Variants in FAM117A observed in about 807,000 individuals in gnomAD.
The protein encoded by FAM117A is family with sequence similarity 117 member A.
Under a neutral mutation model 44.1 loss-of-function variants are expected in FAM117A, and 21 were observed. The observed-to-expected ratio is 0.48, with a 90% CI of 0.34 to 0.69. The LOEUF is 0.69. Ranked by LOEUF, FAM117A falls within the 30% of genes least tolerant of loss-of-function variation. The pLI, the probability that FAM117A is intolerant of heterozygous loss-of-function variation, is 0.01. For synonymous variants in FAM117A, 220 were observed against 238.3 expected (o/e 0.92, Z 0.71); for missense variants, 498 against 589.9 (o/e 0.84, Z 1.61).
At chr17:49,754,036 C>A (rs2073687771) in intron 1 of FAM117A, among the ~76,000 whole-genome samples, 1 of 152,194 alleles carries the variant, frequency 6.6e-6, no homozygotes, top group South Asian at 2.1e-4. Flanking sequence ...GCCCTTCTCT[C>A]CCCAGTTGCT....
At chr17:49,729,031 C>T (rs924765469) in intron 2 of FAM117A, among the ~76,000 whole-genome samples, 5 of 152,198 alleles carry the variant, frequency 3.3e-5, no homozygotes, top group East Asian at 1.9e-4. Flanking sequence ...TAAAACACAA[C>T]GAGGAAGGAG....
At chr17:49,759,722 A>C (rs2073715529) in intron 1 of FAM117A, among the ~76,000 whole-genome samples, 1 of 152,196 alleles carries the variant, frequency 6.6e-6, no homozygotes, top group Non-Finnish European at 1.5e-5. Context: ...CCAAGAAATA[A>C]GTTTTCAAAG....
intron 1 of FAM117A, among the ~76,000 whole-genome samples, chr17:49,753,434 A>T (rs1005578131): frequency 2.0e-5 from 3 of 152,174 alleles, no homozygotes; most frequent in Non-Finnish European, 4.4e-5. Context: ...TGCCACCTGC[A>T]CCTGCAGGAC....
At chr17:49,780,393 AG>A (rs1336673265) in intron 1 of FAM117A, among the ~76,000 whole-genome samples, 1 of 152,154 alleles carries the variant, frequency 6.6e-6, no homozygotes. Flanking sequence ...AAGACTGACT[AG>A]GGCTTTTATA....
At chr17:49,764,986 A>C (rs1003332021), upstream of FAM117A, among the ~76,000 whole-genome samples, 7 of 152,210 alleles carry the variant, frequency 4.6e-5, no homozygotes, top group Non-Finnish European at 8.8e-5. Context: ...CCAAGTTTGC[A>C]CCGCGACTCC....
chr17:49,788,759 G>C, upstream of FAM117A: 3 of 1,512,268 alleles, frequency 2.0e-6, no homozygotes, highest in Non-Finnish European at 2.7e-6. Context: ...AGGCCGCCAC[G>C]GAGCCCGCCG....
chr17:49,748,453 C>A lies in FAM117A; in HGVS notation c.196+15439G>T, dbSNP rs1410796737. Reference sequence around the variant, plus strand: ...TGCCCTGATTCTGGTTGGCCACTACCGGAAACTTACGTTAGAGGAGGAAAG... The same window carrying A: ...TGCCCTGATTCTGGTTGGCCACTACAGGAAACTTACGTTAGAGGAGGAAAG... On this transcript the variant is annotated intron_variant, in intron 1 of 7. Transcript: ENST00000240364. Among the ~76,000 whole-genome samples the A allele has an allele frequency of 2.0e-5, 3 of 152,084 alleles. No homozygotes were observed. In the South Asian group the frequency reaches 6.2e-4, roughly 32 times the overall value.
intron 1 of FAM117A, among the ~76,000 whole-genome samples, chr17:49,782,970 G>A (rs1300539710): frequency 1.3e-5 from 2 of 152,188 alleles, no homozygotes; most frequent in East Asian, 3.9e-4. Context: ...AAATGAAAAT[G>A]CCTGCAGTCT....
At chr17:49,741,416 G>C (rs1307543947) in intron 1 of FAM117A, among the ~76,000 whole-genome samples, 1 of 152,212 alleles carries the variant, frequency 6.6e-6, no homozygotes, top group African/African-American at 2.4e-5. Flanking sequence ...CCCGCACTCA[G>C]AGATCACCAC....
chr17:49,776,932 C>G (rs1211220552), intron 1 of FAM117A, among the ~76,000 whole-genome samples: 2 of 152,182 alleles, frequency 1.3e-5, no homozygotes, highest in Non-Finnish European at 2.9e-5. Flanking sequence ...TCTGAAACCA[C>G]CAAAAATTCA....
At chr17:49,719,534 C>T in intron 5 of FAM117A, 1 of 438,368 alleles carries the variant, frequency 2.3e-6, no homozygotes. Flanking sequence ...AATCCTTGCC[C>T]CCTGTCTTTG....
chr17:49,778,330 T>TA (rs2073780545), intron 1 of FAM117A, among the ~76,000 whole-genome samples: 1 of 152,258 alleles, frequency 6.6e-6, no homozygotes, highest in Non-Finnish European at 1.5e-5. Flanking sequence ...GATATGCAGA[T>TA]AAATAACACA....
chr17:49,740,924 G>A (rs1385727947), intron 1 of FAM117A, among the ~76,000 whole-genome samples: 2 of 152,190 alleles, frequency 1.3e-5, no homozygotes, highest in East Asian at 3.9e-4. Context: ...TTCTCAGCGT[G>A]ACCAGAGATA....
At chr17:49,770,189 C>T (rs192575467) in intron 1 of FAM117A, among the ~76,000 whole-genome samples, 16 of 144,918 alleles carry the variant, frequency 1.1e-4, no homozygotes, top group African/African-American at 3.8e-4. Context: ...AGAATTGCTT[C>T]AACCCAGGAG....
intron 1 of FAM117A, among the ~76,000 whole-genome samples, chr17:49,783,609 C>T (rs1233506043): frequency 6.6e-6 from 1 of 152,136 alleles, no homozygotes; most frequent in Non-Finnish European, 1.5e-5. Context: ...AGAGAAGCTC[C>T]AGGCCATCTC....
chr17:49,745,467 C>G (rs906782181), intron 1 of FAM117A, among the ~76,000 whole-genome samples: 1 of 152,176 alleles, frequency 6.6e-6, no homozygotes, highest in Admixed American at 6.5e-5. Flanking sequence ...GAATAATGTA[C>G]TTTTATAGCC....
chr17:49,756,229 CA>C (rs2073698161), intron 1 of FAM117A, among the ~76,000 whole-genome samples: 1 of 152,056 alleles, frequency 6.6e-6, no homozygotes, highest in African/African-American at 2.4e-5. Flanking sequence ...TTAACCTCAC[CA>C]AACACTGAGT....
chr17:49,787,449 G>A (rs1341058514), intron 1 of FAM117A, among the ~76,000 whole-genome samples: 1 of 152,230 alleles, frequency 6.6e-6, no homozygotes, highest in Non-Finnish European at 1.5e-5. Flanking sequence ...CCCAAGGAGA[G>A]TGCTGGCTAA....
intron 1 of FAM117A, among the ~76,000 whole-genome samples, chr17:49,736,109 T>G (rs920217313): frequency 6.6e-6 from 1 of 152,208 alleles, no homozygotes; most frequent in African/African-American, 2.4e-5. Flanking sequence ...TATATACGCT[T>G]TACAATTTAA....
Sources: allele counts gnomAD v4.1 joint callset (sites outside exome capture counted in the v4.1 genomes callset), GRCh38; gene constraint gnomAD v4.1.1; transcripts MANE v1.5; gene names NCBI Gene and HGNC (gene_info 2026-07-23, HGNC 2026-07-21).